AFAP1: variants seen among roughly 807,000 people sequenced by gnomAD.
AFAP1 encodes the protein actin filament-associated protein 1.
Under a neutral mutation model 93.9 loss-of-function variants are expected in AFAP1, and 75 were observed. The observed-to-expected ratio is 0.80, with a 90% CI of 0.66 to 0.97. The LOEUF (loss-of-function observed/expected upper bound fraction) is 0.97. AFAP1 is among the 50% of genes least tolerant of loss of function. The pLI is 0.00. For synonymous variants in AFAP1, 517 were observed against 430.7 expected, an observed-to-expected ratio of 1.20 and a Z score of -2.48; for missense variants, 1,201 against 1,050.8, an observed-to-expected ratio of 1.14 and a Z score of -1.98.
chr4:7,914,568 A>G (rs981542416), intron 1 of AFAP1, among the ~76,000 whole-genome samples: 8 of 152,122 alleles, frequency 5.3e-5, no homozygotes, highest in African/African-American at 1.7e-4. Context: ...GGCTGATTCC[A>G]TATCTTGGCT....
chr4:7,890,587 A>G (rs1418444343), intron 1 of AFAP1, among the ~76,000 whole-genome samples: 4 of 152,238 alleles, frequency 2.6e-5, no homozygotes, highest in Non-Finnish European at 5.9e-5. Flanking sequence ...CAGCACTTGT[A>G]ACAACACACT....
chr4:7,800,398 G>T, intron 10 of AFAP1, 44 bp downstream of exon 10: 2 of 1,592,756 alleles, frequency 1.3e-6, no homozygotes, highest in Non-Finnish European at 1.7e-6. Flanking sequence ...GAAGATCACC[G>T]CGTGTGTCCC....
intron 1 of AFAP1, among the ~76,000 whole-genome samples, chr4:7,925,675 G>T (rs555421189): frequency 6.6e-6 from 1 of 152,042 alleles, no homozygotes; most frequent in East Asian, 1.9e-4. Context: ...GGAAAACTCC[G>T]TCCCTACTAA....
At chr4:7,901,261 G>A (rs750078637) in intron 1 of AFAP1, among the ~76,000 whole-genome samples, 9 of 152,162 alleles carry the variant, frequency 5.9e-5, no homozygotes, top group South Asian at 2.1e-4. Flanking sequence ...GAAGCCAAGG[G>A]TGCCTATTGC....
intron 1 of AFAP1, among the ~76,000 whole-genome samples, chr4:7,897,767 G>A (rs766494798): frequency 1.3e-5 from 2 of 151,974 alleles, no homozygotes; most frequent in African/African-American, 2.4e-5. Flanking sequence ...CAGGTGATCC[G>A]CCTGCCTCGG....
At chr4:7,790,279 C>G (rs1212150138) in intron 11 of AFAP1, among the ~76,000 whole-genome samples, 1 of 152,170 alleles carries the variant, frequency 6.6e-6, no homozygotes, top group African/African-American at 2.4e-5. Context: ...CTGACAGCTC[C>G]TATAAAGACT....
At chr4:7,872,261 C>A in intron 1 of AFAP1, 181 bp from the exon 2 acceptor site, 1 of 652,238 alleles carries the variant, frequency 1.5e-6, no homozygotes, top group Non-Finnish European at 2.5e-6. Context: ...TTCTTCTTAA[C>A]AAATGCACTA....
intron 3 of AFAP1, among the ~76,000 whole-genome samples, chr4:7,861,518 G>T (rs1003231974): frequency 6.6e-6 from 1 of 152,178 alleles, no homozygotes; most frequent in Non-Finnish European, 1.5e-5. Context: ...TCCACACAGC[G>T]CTTGAGTAAA....
Position 7,891,957 on chromosome 4 carries a change from G to C in AFAP1, c.-2-19877C>G, listed in dbSNP as rs1655420340. 2.0e-5 allele frequency among the ~76,000 whole-genome samples: 3 copies of C among 152,118 alleles called. No individual in the cohort carries two copies. The South Asian group carries it at 6.2e-4, about 31-fold the overall frequency. On this transcript the variant is annotated intron_variant, in intron 1 of 17. Coordinates refer to ENST00000420658, the MANE Select transcript of AFAP1 (RefSeq NM_001134647.2). ...TAATCCCAGCTACTCAGGATGCTGAGGCAGGAGAATGGCTTGAACCCGGGA... is the reference window on the plus strand; with the variant it reads ...TAATCCCAGCTACTCAGGATGCTGACGCAGGAGAATGGCTTGAACCCGGGA...
chr4:7,864,266 G>A (rs1248376314), intron 3 of AFAP1, among the ~76,000 whole-genome samples: 4 of 152,162 alleles, frequency 2.6e-5, no homozygotes, highest in South Asian at 2.1e-4. Context: ...TACCTGCAAC[G>A]CTCCTAGTAT....
intron 1 of AFAP1, among the ~76,000 whole-genome samples, chr4:7,873,381 C>T (rs1350261508): frequency 2.2e-5 from 2 of 89,448 alleles, no homozygotes; most frequent in South Asian, 4.6e-4. Flanking sequence ...GACGGAGTCT[C>T]ACTGTCGCCC....
At chr4:7,879,387 A>G (rs1362065081) in intron 1 of AFAP1, among the ~76,000 whole-genome samples, 1 of 152,228 alleles carries the variant, frequency 6.6e-6, no homozygotes, top group East Asian at 1.9e-4. Flanking sequence ...AGCCATATCT[A>G]CACGTGAACC....
chr4:7,936,066 T>C (rs767600018), intron 1 of AFAP1, among the ~76,000 whole-genome samples: 46 of 152,206 alleles, frequency 3.0e-4, no homozygotes, highest in Non-Finnish European at 5.6e-4. Context: ...CAAAGAACTT[T>C]TCCTAAATTA....
intron 3 of AFAP1, among the ~76,000 whole-genome samples, chr4:7,861,314 C>G (rs1715650682): frequency 6.6e-6 from 1 of 152,228 alleles, no homozygotes; most frequent in South Asian, 2.1e-4. Context: ...ACTTCCTGTG[C>G]CGCTTGCTGC....
At chr4:7,896,509 T>G (rs1560225010) in intron 1 of AFAP1, among the ~76,000 whole-genome samples, 1 of 151,414 alleles carries the variant, frequency 6.6e-6, no homozygotes, top group Non-Finnish European at 1.5e-5. Context: ...TGTTGCCAAG[T>G]CCAGCTATCA....
chr4:7,835,517 T>C (rs111894747), intron 6 of AFAP1, among the ~76,000 whole-genome samples: 407 of 22,004 alleles, frequency 0.018, 1 homozygote, highest in Non-Finnish European at 0.049. Context: ...TAAGGTTACC[T>C]GGGTGGCTCT....
chr4:7,887,604 T>C (rs1718206946), intron 1 of AFAP1, among the ~76,000 whole-genome samples: 1 of 152,208 alleles, frequency 6.6e-6, no homozygotes, highest in Non-Finnish European at 1.5e-5. Flanking sequence ...TGAGCATTTA[T>C]GAGGCTTTAA....
chr4:7,759,950 C>T lies in AFAP1; in HGVS notation c.*3815G>A, dbSNP rs1713545078. 6.6e-6 allele frequency: 1 copy of T among 152,274 alleles called. No homozygotes were observed. The highest frequency in any genetic ancestry group is 1.5e-5 in the Non-Finnish European group (1 of 68,064). 9.4% of individuals were successfully genotyped at this position (152,274 alleles called of 1,614,324 possible). On this transcript the variant is annotated 3_prime_UTR_variant, in exon 18 of 18. Coordinates refer to ENST00000420658, the MANE Select transcript of AFAP1 (RefSeq NM_001134647.2). Reference sequence around the variant, plus strand: ...AGTTCCGTGCATGAACACAGCACCTCACCTGGGTGGCAAAGTCTGTGGGCA... The same window carrying T: ...AGTTCCGTGCATGAACACAGCACCTTACCTGGGTGGCAAAGTCTGTGGGCA...
chr4:7,763,522 C>T lies in AFAP1; in HGVS notation c.*243G>A. On this transcript the variant is annotated 3_prime_UTR_variant, in exon 18 of 18. Transcript: ENST00000420658. ...AGCATCCTTTCAAACACCTTTCCATCACTTTTTTTGTTTTTTAACAAAGTT... is the reference window on the plus strand; with the variant it reads ...AGCATCCTTTCAAACACCTTTCCATTACTTTTTTTGTTTTTTAACAAAGTT... 3.6e-6 allele frequency: 2 copies of T among 547,978 alleles called. No individual in the cohort carries two copies. The highest frequency in any genetic ancestry group is 6.4e-6 in the Non-Finnish European group (2 of 310,524). 33.9% of individuals were successfully genotyped at this position (547,978 alleles called of 1,614,324 possible). A position where few individuals can be genotyped will look rare whatever the true frequency, so the allele number is the denominator to read the frequency against.
Sources: allele counts gnomAD v4.1 joint callset (sites outside exome capture counted in the v4.1 genomes callset), GRCh38; gene constraint gnomAD v4.1.1; transcripts MANE v1.5; gene names NCBI Gene and HGNC (gene_info 2026-07-23, HGNC 2026-07-21).